Variants in OSBPL1A observed in about 807,000 individuals in gnomAD.
OSBPL1A encodes oxysterol-binding protein-related protein 1.
OSBPL1A carries 80 observed loss-of-function variants against 137.1 expected under a neutral mutation model. The ratio of observed to expected loss-of-function variants is 0.58; its 90% CI spans 0.49 to 0.70. OSBPL1A has a LOEUF of 0.70. Ranked by LOEUF, OSBPL1A falls within the 30% of genes least tolerant of loss-of-function variation. The pLI is 0.00. For synonymous variants in OSBPL1A, 365 were observed against 389.7 expected, an observed-to-expected ratio of 0.94 and a Z score of 0.75; for missense variants, 970 against 1,129.4, an observed-to-expected ratio of 0.86 and a Z score of 2.02.
intron 16 of OSBPL1A, among the ~76,000 whole-genome samples, chr18:24,227,350 A>G (rs1192006290): frequency 1.3e-5 from 2 of 152,280 alleles, no homozygotes; most frequent in African/African-American, 2.4e-5. Flanking sequence ...AGTTATTAAC[A>G]TTATGTTTAC....
At chr18:24,317,499 T>G in intron 9 of OSBPL1A, 99 bp from the exon 10 acceptor site, 1 of 926,580 alleles carries the variant, frequency 1.1e-6, no homozygotes, top group Admixed American at 1.9e-5. Flanking sequence ...TATTTGAGTC[T>G]TTAGACAGTA....
chr18:24,334,391 A>G (rs1161090362), intron 5 of OSBPL1A, 61 bp from the exon 6 acceptor site: 7 of 1,345,244 alleles, frequency 5.2e-6, no homozygotes, highest in Non-Finnish European at 7.2e-6. Context: ...AATTCATTAT[A>G]AAGAATAAAG....
intron 7 of OSBPL1A, among the ~76,000 whole-genome samples, chr18:24,328,021 A>G (rs979605506): frequency 6.0e-5 from 9 of 149,918 alleles, no homozygotes; most frequent in African/African-American, 2.2e-4. Flanking sequence ...ACTGGTAAAG[A>G]CACTAGAAAT....
At chr18:24,370,651 T>C (rs1905550716) in intron 2 of OSBPL1A, among the ~76,000 whole-genome samples, 1 of 152,162 alleles carries the variant, frequency 6.6e-6, no homozygotes, top group Admixed American at 6.5e-5. Flanking sequence ...CTTTTCAACT[T>C]ATCCAGCCCC....
chr18:24,325,656 T>C (rs1222918496), intron 7 of OSBPL1A, among the ~76,000 whole-genome samples: 3 of 152,202 alleles, frequency 2.0e-5, no homozygotes, highest in Admixed American at 1.3e-4. Context: ...ATTTGTTGTC[T>C]ACCTCCTCCC....
chr18:24,282,075 C>A lies in OSBPL1A; in HGVS notation c.1175-1127G>T, dbSNP rs545896970. Among the ~76,000 whole-genome samples the A allele has an allele frequency of 3.3e-5, 5 of 151,752 alleles. No individual in the cohort carries two copies. In the South Asian group the frequency reaches 8.3e-4, roughly 25 times the overall value. On this transcript the variant is annotated intron_variant, in intron 14 of 27. Transcript: ENST00000319481. Reference sequence around the variant, plus strand: ...AGCCTGAAACCATCTCCCCACCCCCCACTCCCAACCCTACCCCCGAGTCCA... The same window carrying A: ...AGCCTGAAACCATCTCCCCACCCCCAACTCCCAACCCTACCCCCGAGTCCA...
intron 1 of OSBPL1A, among the ~76,000 whole-genome samples, chr18:24,379,115 A>G (rs1299038422): frequency 6.6e-6 from 1 of 152,230 alleles, no homozygotes; most frequent in African/African-American, 2.4e-5. Flanking sequence ...AAAGCTTGAG[A>G]AAAAGAACTT....
At chr18:24,317,271 C>A (rs373824337) in intron 10 of OSBPL1A, 56 bp downstream of exon 10, 4 of 1,609,032 alleles carry the variant, frequency 2.5e-6, no homozygotes, top group Non-Finnish European at 3.4e-6. Context: ...GAAAAAAATT[C>A]GTATTTCAAA....
chr18:24,290,665 A>G (rs2090159416), intron 14 of OSBPL1A, among the ~76,000 whole-genome samples: 1 of 152,224 alleles, frequency 6.6e-6, no homozygotes, highest in Non-Finnish European at 1.5e-5. Context: ...CCTGGGCAAC[A>G]GAGCGAGGCT....
intron 18 of OSBPL1A, among the ~76,000 whole-genome samples, chr18:24,190,714 G>C (rs173112): frequency 1.3e-5 from 2 of 152,242 alleles, no homozygotes; most frequent in Non-Finnish European, 2.9e-5. Context: ...TAACATGCCA[G>C]ATTTGGCAAA....
rs1239736887 is a variant in OSBPL1A at position 24,271,264 on chromosome 18, A to T, written c.1281+9578T>A. ...CGAAAAATCACTAACTTGGAAGGTT[A>T]TTTAGGACAATAATGTCTTTCACTG... On this transcript the variant is annotated intron_variant, in intron 15 of 27. Coordinates refer to ENST00000319481, the MANE Select transcript of OSBPL1A (RefSeq NM_080597.4). This position sits in a 1 kb window ranked among gnomAD's most constrained non-coding sequence, Gnocchi z 4.0. 6.6e-6 allele frequency among the ~76,000 whole-genome samples: 1 copy of T among 152,202 alleles called. No homozygotes were observed. Among genetic ancestry groups the T allele is most frequent in the African/African-American group, 2.4e-5 (1 of 41,458 alleles).
Position 24,216,022 on chromosome 18 carries a change from C to T in OSBPL1A, c.1601+9020G>A, listed in dbSNP as rs549918340. 4.6e-5 allele frequency among the ~76,000 whole-genome samples: 7 copies of T among 152,196 alleles called. 1 individual carries two copies. The South Asian group carries it at 1.0e-3, about 23-fold the overall frequency. On this transcript the variant is annotated intron_variant, in intron 17 of 27. Coordinates refer to ENST00000319481, the MANE Select transcript of OSBPL1A (RefSeq NM_080597.4). ...ACTTGAAATAGAAATTGGATATTTACCTAAGATATTGAAAAAGTCCAGGGA... is the reference window on the plus strand; with the variant it reads ...ACTTGAAATAGAAATTGGATATTTATCTAAGATATTGAAAAAGTCCAGGGA...
intron 14 of OSBPL1A, among the ~76,000 whole-genome samples, chr18:24,296,622 A>G (rs1253020175): frequency 6.6e-6 from 1 of 152,134 alleles, no homozygotes; most frequent in African/African-American, 2.4e-5. Context: ...CCTATTCAGT[A>G]TGATGTTGGC....
intron 17 of OSBPL1A, among the ~76,000 whole-genome samples, chr18:24,218,595 T>C (rs932923167): frequency 1.3e-5 from 2 of 152,086 alleles, no homozygotes; most frequent in African/African-American, 4.8e-5. Context: ...AGGCATGCAC[T>C]ACTGCGCCTG....
intron 2 of OSBPL1A, among the ~76,000 whole-genome samples, chr18:24,372,235 A>G (rs1905706621): frequency 6.6e-6 from 1 of 151,464 alleles, no homozygotes; most frequent in African/African-American, 2.4e-5. Context: ...TGATCACACC[A>G]CTGCACTACA....
At chr18:24,185,143 G>A (rs2086711419) in intron 18 of OSBPL1A, among the ~76,000 whole-genome samples, 1 of 152,128 alleles carries the variant, frequency 6.6e-6, no homozygotes, top group Non-Finnish European at 1.5e-5. Flanking sequence ...GTCAGTGGTT[G>A]CCCAGGGTAA....
At chr18:24,225,502 A>G (rs2088044638) in intron 16 of OSBPL1A, among the ~76,000 whole-genome samples, 1 of 152,194 alleles carries the variant, frequency 6.6e-6, no homozygotes, top group Admixed American at 6.5e-5. Flanking sequence ...GTTGCCCCCA[A>G]AATTTCCACC....
At chr18:24,293,628 C>A (rs1205009468) in intron 14 of OSBPL1A, among the ~76,000 whole-genome samples, 3 of 152,192 alleles carry the variant, frequency 2.0e-5, no homozygotes, top group Non-Finnish European at 4.4e-5. Flanking sequence ...AGGAGAAAAG[C>A]CTTCCAGAAG....
chr18:24,172,642 A>T (rs2086318754), intron 21 of OSBPL1A, among the ~76,000 whole-genome samples, 159 bp from the exon 22 acceptor site: 1 of 152,218 alleles, frequency 6.6e-6, no homozygotes, highest in Admixed American at 6.5e-5. Flanking sequence ...AACTCACCAT[A>T]AAATTGGGAT....
Sources: gnomAD v4.1 joint callset for allele counts (sites outside exome capture counted in the v4.1 genomes callset) on GRCh38, gnomAD v4.1.1 for gene constraint, Gnocchi (gnomAD v3.1) non-coding constraint, MANE v1.5 for transcripts, NCBI Gene and HGNC (gene_info 2026-07-23, HGNC 2026-07-21) for gene names.